The following LYRM7 variants were observed in gnomAD, a reference collection of about 807,000 sequenced individuals.
The protein encoded by LYRM7 is complex III assembly factor LYRM7.
Under a neutral mutation model 15.8 loss-of-function variants are expected in LYRM7, and 9 were observed. That is an observed-to-expected ratio of 0.57 (90% confidence interval 0.34 to 0.99). LYRM7 has a LOEUF of 0.99. Among genes scored for constraint, LYRM7 ranks in the 50% least tolerant of loss-of-function variants. The pLI is 0.02. For synonymous variants in LYRM7, 39 were observed against 39.4 expected, an observed-to-expected ratio of 0.99 and a Z score of 0.04; for missense variants, 115 against 119.1, an observed-to-expected ratio of 0.97 and a Z score of 0.16.
rs1022735995 is a variant in LYRM7 at position 131,199,820 on chromosome 5, A to G, written c.*219A>G. On this transcript the variant is annotated 3_prime_UTR_variant, in exon 5 of 5. Transcript: ENST00000379380. ...AGGAAATTAGATAAGAAAACATTTC[A>G]TTTTCATTGAAAATCAAATTTCATA... The G allele has an allele frequency of 1.5e-5, 5 of 328,336 alleles. No homozygotes were observed. Among genetic ancestry groups the G allele is most frequent in the African/African-American group, 4.3e-5 (2 of 46,624 alleles). 20.3% of individuals were successfully genotyped at this position (328,336 alleles called of 1,614,324 possible).
In LYRM7 at chr5:131,205,162, T is replaced by C. The variant is rs1756157754; in HGVS notation, c.*5561T>C. 1 of 152,298 alleles carries C rather than the reference T, an allele frequency of 6.6e-6. No individual in the cohort carries two copies. The highest frequency in any genetic ancestry group is 2.1e-4 in the South Asian group (1 of 4,834). 9.4% of individuals were successfully genotyped at this position (152,298 alleles called of 1,614,324 possible). On this transcript the variant is annotated 3_prime_UTR_variant, in exon 5 of 5. Coordinates refer to ENST00000379380, the MANE Select transcript of LYRM7 (RefSeq NM_181705.4). The stretch of plus-strand genomic sequence containing the variant: ...AAGCTAAACCCCACCCTTCTCTTTC[T>C]CCTCTCTCTCCAGGATAATTACTGT...
At chr5:131,194,101 A>G (rs187176907) in intron 4 of LYRM7, among the ~76,000 whole-genome samples, 24 of 152,336 alleles carry the variant, frequency 1.6e-4, no homozygotes, top group Middle Eastern at 3.4e-3. Context: ...GAAATAAACC[A>G]TGATCTCAAT....
At chr5:131,195,209 A>AT (rs1174272227) in intron 4 of LYRM7, among the ~76,000 whole-genome samples, 99 of 152,252 alleles carry the variant, frequency 6.5e-4, no homozygotes, top group African/African-American at 2.3e-3. Flanking sequence ...CAGAGGTTGC[A>AT]GTGAGCCGAG....
intron 1 of LYRM7, among the ~76,000 whole-genome samples, chr5:131,175,016 CT>C (rs1370452225): frequency 6.6e-6 from 1 of 151,328 alleles, no homozygotes; most frequent in Non-Finnish European, 1.5e-5. Context: ...TGAAAGGAAT[CT>C]TTTTTTTTCT....
intron 3 of LYRM7, among the ~76,000 whole-genome samples, chr5:131,186,329 T>C (rs1321219837): frequency 3.3e-5 from 5 of 152,182 alleles, no homozygotes; most frequent in Admixed American, 3.3e-4. Context: ...AAAATACACA[T>C]TGTAACAAAA....
intron 4 of LYRM7, among the ~76,000 whole-genome samples, chr5:131,188,044 C>T (rs1755825303): frequency 6.6e-6 from 1 of 151,764 alleles, no homozygotes; most frequent in Non-Finnish European, 1.5e-5. Context: ...CTAGATTGAG[C>T]CCAGGAGTTC....
Position 131,181,275 on chromosome 5 carries a change from GAA to G in LYRM7, c.92-927_92-926del, listed in dbSNP as rs1195878324. On this transcript the variant is annotated intron_variant, in intron 2 of 4. Transcript: ENST00000379380. ...TGGGCGACAAAGCAAGACTCCATCT[GAA>G]AAAAAAAAAAAAAAAAAAAAAAAAA... Among the ~76,000 whole-genome samples the G allele has an allele frequency of 2.8e-3, 23 of 8,336 alleles. 1 individual carries two copies. Among genetic ancestry groups the G allele is most frequent in the African/African-American group, 5.5e-3 (21 of 3,802 alleles). 5.5% of individuals were successfully genotyped at this position (8,336 alleles called of 152,430 possible).
intron 4 of LYRM7, among the ~76,000 whole-genome samples, chr5:131,191,352 A>C (rs918327399): frequency 1.1e-4 from 17 of 152,162 alleles, no homozygotes; most frequent in African/African-American, 3.1e-4. Context: ...TAGAAAATGG[A>C]AAGTTGTGAT....
At position 131,178,476 on chromosome 5, in the gene LYRM7, G is replaced by C. The variant is rs1298834599; in HGVS notation, c.19-1619G>C. On this transcript the variant is annotated intron_variant, in intron 1 of 4. Coordinates refer to ENST00000379380, the MANE Select transcript of LYRM7 (RefSeq NM_181705.4). ...AGTAAAATAGAGAAGAGTGGAGGAA[G>C]AGCAATATTGAGAGAACAATATTGA... Among the ~76,000 whole-genome samples the C allele has an allele frequency of 1.3e-5, 2 of 152,186 alleles. 1 individual carries two copies. Among genetic ancestry groups the C allele is most frequent in the Non-Finnish European group, 2.9e-5 (2 of 68,040 alleles).
intron 3 of LYRM7, among the ~76,000 whole-genome samples, chr5:131,185,428 C>G (rs1755782787): frequency 1.3e-5 from 2 of 152,112 alleles, no homozygotes; most frequent in African/African-American, 4.8e-5. Context: ...CTTCCATGCC[C>G]TCAAAGCTTC....
rs1303805895 is a variant in LYRM7 at position 131,202,701 on chromosome 5, TA to T, written c.*3101del. 1 of 152,244 alleles carries T rather than the reference TA, an allele frequency of 6.6e-6. No individual in the cohort carries two copies. Among genetic ancestry groups the T allele is most frequent in the Admixed American group, 6.5e-5 (1 of 15,280 alleles). 9.4% of individuals were successfully genotyped at this position (152,244 alleles called of 1,614,324 possible). On this transcript the variant is annotated 3_prime_UTR_variant, in exon 5 of 5. Transcript: ENST00000379380. Reference sequence around the variant, plus strand: ...TTTAATTAAATGTTTTTTATTTGGTTATTTTTTTTAAGTTTTCTGTATTCAC... The same window carrying T: ...TTTAATTAAATGTTTTTTATTTGGTTTTTTTTTTAAGTTTTCTGTATTCAC...
chr5:131,198,488 T>G (rs887311279), intron 4 of LYRM7, among the ~76,000 whole-genome samples: 3 of 152,184 alleles, frequency 2.0e-5, no homozygotes, highest in African/African-American at 7.2e-5. Flanking sequence ...GTGCAAGCAT[T>G]TTTTGATTGA....
intron 3 of LYRM7, among the ~76,000 whole-genome samples, chr5:131,185,648 C>G (rs1755785946): frequency 6.6e-6 from 1 of 152,072 alleles, no homozygotes; most frequent in Non-Finnish European, 1.5e-5. Context: ...ATCTTTAAGG[C>G]TGGGCATGGT....
At chr5:131,187,463 T>G (rs940831394) in intron 4 of LYRM7, among the ~76,000 whole-genome samples, 3 of 148,980 alleles carry the variant, frequency 2.0e-5, no homozygotes, top group Non-Finnish European at 4.4e-5. Context: ...ATGAGTTTTG[T>G]TTTTTGTTTT....
At chr5:131,191,974 C>G (rs968967823) in intron 4 of LYRM7, among the ~76,000 whole-genome samples, 3 of 144,960 alleles carry the variant, frequency 2.1e-5, no homozygotes, top group African/African-American at 7.6e-5. Flanking sequence ...TCACAATAAC[C>G]AAGATACGGA....
chr5:131,186,034 A>C (rs1052857349), intron 3 of LYRM7, among the ~76,000 whole-genome samples: 4 of 152,220 alleles, frequency 2.6e-5, no homozygotes, highest in African/African-American at 9.7e-5. Flanking sequence ...AAAGGTAAAA[A>C]ATGGTATTTT....
chr5:131,191,157 G>C (rs1317057650), intron 4 of LYRM7, among the ~76,000 whole-genome samples: 2 of 151,268 alleles, frequency 1.3e-5, no homozygotes, highest in Non-Finnish European at 2.9e-5. Context: ...CTTTCTGTGT[G>C]TGTGTGTATA....
rs1207509916 is a variant in LYRM7 at position 131,181,330 on chromosome 5, C to CAT, written c.92-891_92-890dup. Among the ~76,000 whole-genome samples, 5 of 52,388 alleles carry CAT rather than the reference C, an allele frequency of 9.5e-5. No homozygotes were observed. The East Asian group carries it at 2.0e-3, about 21-fold the overall frequency. The allele number at this position is 52,388 out of a possible 152,430, so 34.4% of individuals were successfully genotyped here. On this transcript the variant is annotated intron_variant, in intron 2 of 4. Transcript: ENST00000379380. ...ATATATATATATACACACACACACA[C>CAT]ATATATATAACATATATGTTATATA... is the stretch of plus-strand genomic sequence containing the variant.
rs1448301737 is a variant in LYRM7, at chr5:131,202,112, G to C, written c.*2511G>C. The C allele has an allele frequency of 6.6e-6, 1 of 152,064 alleles. No individual in the cohort carries two copies. The highest frequency in any genetic ancestry group is 1.5e-5 in the Non-Finnish European group (1 of 68,018). 9.4% of individuals were successfully genotyped at this position (152,064 alleles called of 1,614,324 possible). A position where few individuals can be genotyped will look rare whatever the true frequency, so the allele number is the denominator to read the frequency against. On this transcript the variant is annotated 3_prime_UTR_variant, in exon 5 of 5. Coordinates refer to ENST00000379380, the MANE Select transcript of LYRM7 (RefSeq NM_181705.4). ...GCCTCCCAAAGTGCTGGGATTACAG[G>C]TGTAAGCCACTGCACCCTGCCTATT...
Sources: allele counts gnomAD v4.1 joint callset (sites outside exome capture counted in the v4.1 genomes callset), GRCh38; gene constraint gnomAD v4.1.1; transcripts MANE v1.5; gene names NCBI Gene and HGNC (gene_info 2026-07-23, HGNC 2026-07-21).